The following SPTA1 variants were observed in gnomAD, a reference collection of about 807,000 sequenced individuals.
SPTA1 encodes spectrin alpha, erythrocytic 1.
In SPTA1, 177 loss-of-function variants were observed where a neutral mutation model predicts 324.7. The observed-to-expected ratio is 0.55, with a 90% CI of 0.48 to 0.62. The LOEUF is 0.62. SPTA1 is among the 20% of genes least tolerant of loss of function. SPTA1 has a pLI of 0.00. For missense variants in SPTA1, 3,162 were observed against 2,883.6 expected, an observed-to-expected ratio of 1.10 and a Z score of -2.21; for synonymous variants, 1,195 against 1,041.3, an observed-to-expected ratio of 1.15 and a Z score of -2.84.
intron 2 of SPTA1, among the ~76,000 whole-genome samples, chr1:158,684,604 C>G (rs1029081860): frequency 6.6e-6 from 1 of 151,990 alleles, no homozygotes; most frequent in Non-Finnish European, 1.5e-5. Flanking sequence ...TTCTAACAGA[C>G]AGTCTAATTT....
chr1:158,619,111 GGCAGAATACAT>G, intron 45 of SPTA1, 100 bp downstream of exon 45: 1 of 1,060,136 alleles, frequency 9.4e-7, no homozygotes, highest in Non-Finnish European at 1.5e-6. Flanking sequence ...GGGATTTTAG[GGCAGAATACAT>G]GCTCTCAGAG....
chr1:158,641,342 C>G (rs1651555314), intron 33 of SPTA1, among the ~76,000 whole-genome samples: 2 of 152,052 alleles, frequency 1.3e-5, no homozygotes, highest in Admixed American at 6.6e-5. Flanking sequence ...TTCTGCACAG[C>G]AAAAGAAACT....
chr1:158,636,040 G>C lies in SPTA1; in HGVS notation c.5311-6C>G. ...TCTGCCATATCCAGCACATTCTGAA[G>C]AACAACCCCGATACATGTTCCATTA... On this transcript the variant is annotated splice_polypyrimidine_tract_variant and splice_region_variant and intron_variant, in intron 37 of 51. Transcript: ENST00000643759. 6.2e-7 allele frequency: 1 copy of C among 1,614,056 alleles called. No homozygotes were observed.
intron 5 of SPTA1, among the ~76,000 whole-genome samples, chr1:158,678,949 A>G (rs1397291257): frequency 2.0e-5 from 3 of 152,118 alleles, no homozygotes; most frequent in Admixed American, 6.6e-5. Context: ...TGGTCCTCAC[A>G]CCTTTGAGAA....
intron 43 of SPTA1, chr1:158,620,840 GAA>G (rs200959019): frequency 0.3 from 27,056 of 89,462 alleles, 2,968 homozygotes; most frequent in East Asian, 0.46. Context: ...TAGTAAACAT[GAA>G]AAAAAAAAAA....
At chr1:158,655,414 C>T (rs77959464) in intron 20 of SPTA1, among the ~76,000 whole-genome samples, 4,416 of 152,220 alleles carry the variant, frequency 0.029, 220 homozygotes, top group African/African-American at 0.099. Context: ...AACATAACCC[C>T]TCTTCCTAAG....
In SPTA1 at chr1:158,681,746, A is replaced by G. The variant is rs143817153; in HGVS notation, c.391-79T>C. 508 of 1,588,576 alleles carry G rather than the reference A, an allele frequency of 3.2e-4. 3 individuals carry two copies. The African/African-American group carries it at 3.9e-3, about 12-fold the overall frequency. The stretch of plus-strand genomic sequence containing the variant: ...CACTCAGAGACTTGTGCAGAAAGAG[A>G]CCTGGATAAAAATTCTTCTCTCAGT... On this transcript the variant is annotated intron_variant, in intron 3 of 51. Transcript: ENST00000643759.
At position 158,647,283 on chromosome 1, in the gene SPTA1, T is replaced by C. The variant is rs531721292; in HGVS notation, c.3896+256A>G. Among the ~76,000 whole-genome samples the C allele has an allele frequency of 2.1e-3, 315 of 152,348 alleles. 1 individual carries two copies. Among genetic ancestry groups the C allele is most frequent in the Non-Finnish European group, 3.3e-3 (225 of 68,028 alleles). ...CTGAATACAGTAGAAGACTGAATAC[T>C]ACTGTCTCTTCAGTAGAACAAAAAA... On this transcript the variant is annotated intron_variant, in intron 27 of 51. Coordinates refer to ENST00000643759, the MANE Select transcript of SPTA1 (RefSeq NM_003126.4).
chr1:158,686,227 C>A (rs1405653113), intron 1 of SPTA1, among the ~76,000 whole-genome samples: 2 of 152,224 alleles, frequency 1.3e-5, no homozygotes, highest in Non-Finnish European at 2.9e-5. Flanking sequence ...TACATGGAGA[C>A]TCACGTTGTT....
At position 158,680,596 on chromosome 1, in the gene SPTA1, T is replaced by C. The variant is rs763063636; in HGVS notation, c.665A>G (p.Asn222Ser). 5.0e-6 allele frequency: 8 copies of C among 1,613,874 alleles called. No homozygotes were observed. The highest frequency in any genetic ancestry group is 6.8e-6 in the Non-Finnish European group (8 of 1,179,830). The change falls in exon 5 of 52, where the codon AAT becomes AGT. Residue 222 changes from asparagine (N) to serine (S), a missense_variant. Asn to Ser is a conservative substitution (Grantham distance 46). Transcript: ENST00000643759. ...CTCCCACCTCACCTCGGCACACTCA[T>C]TGGCATATTGGTTCACTTCAACAAC... is the stretch of plus-strand genomic sequence containing the variant. ...GRVVEVNQYA[N>S]ECAEENHPDL... is the part of the protein sequence containing the mutation.
rs1437155752 is a variant in SPTA1, at chr1:158,613,839, G to A, written c.6871C>T (p.Leu2291=). Residue 2291 remains leucine (L), a synonymous_variant, in exon 50 of 52, where the codon CTG becomes TTG. Transcript: ENST00000643759. The stretch of plus-strand genomic sequence containing the variant: ...CAGGACCGGAACTCTTTGTGAGTCA[G>A]GCGCCCTGTCAAATTCTCATCAAAG... The part of the protein sequence containing the change: ...KHFDENLTGR[L]THKEFRSCLR... 1 of 1,613,718 alleles carries A rather than the reference G, an allele frequency of 6.2e-7. No homozygotes were observed. The highest frequency in any genetic ancestry group is 8.5e-7 in the Non-Finnish European group (1 of 1,179,918).
At chr1:158,637,347 C>T (rs998371774) in intron 36 of SPTA1, among the ~76,000 whole-genome samples, 1 of 152,170 alleles carries the variant, frequency 6.6e-6, no homozygotes, top group Non-Finnish European at 1.5e-5. Flanking sequence ...GTGCTTCCCT[C>T]TAATTTATTG....
chr1:158,681,618 GT>G lies in SPTA1; in HGVS notation c.439del (p.Thr147ProfsTer12). ...RHLWDLLLEL[T>X]LEKGDQLLRA... ...CAGCAACTGGTCACCCTTCTCCAGG[GT>G]CAGCTCTAACAGCAGGTCCCACAGG... On this transcript the variant is annotated frameshift_variant, in exon 4 of 52. Transcript: ENST00000643759. LOFTEE classifies it high-confidence loss of function. 6.2e-7 allele frequency: 1 copy of G among 1,613,742 alleles called. No individual in the cohort carries two copies. Among genetic ancestry groups the G allele is most frequent in the Non-Finnish European group, 8.5e-7 (1 of 1,179,788 alleles).
At chr1:158,650,668 A>G (rs1241382285) in intron 24 of SPTA1, among the ~76,000 whole-genome samples, 2 of 152,146 alleles carry the variant, frequency 1.3e-5, no homozygotes, top group African/African-American at 4.8e-5. Flanking sequence ...CTTTGAATTC[A>G]TGTAATTGAG....
At chr1:158,670,517 G>A (rs1018306684) in intron 12 of SPTA1, among the ~76,000 whole-genome samples, 1 of 152,174 alleles carries the variant, frequency 6.6e-6, no homozygotes, top group Non-Finnish European at 1.5e-5. Flanking sequence ...AGAAGACTAG[G>A]AATTTGCCTG....
chr1:158,655,208 G>A (rs1652744828), intron 20 of SPTA1, among the ~76,000 whole-genome samples: 1 of 151,976 alleles, frequency 6.6e-6, no homozygotes, highest in Non-Finnish European at 1.5e-5. Context: ...ACTATGTCAG[G>A]AGCTCCGGAC....
rs758273189 is a variant in SPTA1 at position 158,638,155 on chromosome 1, A to G, written c.5067T>C (p.Asp1689=). ...FNVDQIVKKK[D]NVNKRFLNVQ... ...CATTCAGGAAACGCTTGTTGACATT[A>G]TCTTTTTTCTTCACAATCTGATCAA... Residue 1689 remains aspartate (D), a synonymous_variant, in exon 36 of 52, where the codon GAT becomes GAC. Transcript: ENST00000643759. 17 of 1,614,008 alleles carry G rather than the reference A, an allele frequency of 1.1e-5. No individual in the cohort carries two copies.
In SPTA1 at chr1:158,649,897, C is replaced by T; in HGVS notation, c.3528G>A (p.Arg1176=). The change falls in exon 25 of 52, where the codon CGG becomes CGA. Residue 1176 remains arginine, a synonymous_variant. Transcript: ENST00000643759. Reference sequence around the variant, plus strand: ...CAGCATGGGCACTGCCCAGCAGCTGCCGCTGTTCATCTGCAAGCCTCTGCA... The same window carrying T: ...CAGCATGGGCACTGCCCAGCAGCTGTCGCTGTTCATCTGCAAGCCTCTGCA... ...GSLQRLADEQ[R]QLLGSAHAVE... 6.2e-7 allele frequency: 1 copy of T among 1,613,874 alleles called. No individual in the cohort carries two copies. The highest frequency in any genetic ancestry group is 8.5e-7 in the Non-Finnish European group (1 of 1,179,892).
Position 158,623,710 on chromosome 1 carries a change from C to T in SPTA1, c.5911-518G>A, listed in dbSNP as rs192485137. Reference sequence around the variant, plus strand: ...AGGCCTCCCCAGCCATGCTAAAATACGTCAATTAAACCTCTATTCTTTATA... The same window carrying T: ...AGGCCTCCCCAGCCATGCTAAAATATGTCAATTAAACCTCTATTCTTTATA... On this transcript the variant is annotated intron_variant, in intron 42 of 51. Coordinates refer to ENST00000643759, the MANE Select transcript of SPTA1 (RefSeq NM_003126.4). Among the ~76,000 whole-genome samples the T allele has an allele frequency of 7.9e-5, 12 of 152,304 alleles. No individual in the cohort carries two copies. The East Asian group carries it at 1.2e-3, about 15-fold the overall frequency.
Sources: gnomAD v4.1 joint callset for allele counts (sites outside exome capture counted in the v4.1 genomes callset) on GRCh38, gnomAD v4.1.1 for gene constraint, MANE v1.5 for transcripts, NCBI Gene and HGNC (gene_info 2026-07-23, HGNC 2026-07-21) for gene names.